The following FBXW9 variants were observed in gnomAD, a reference collection of about 807,000 sequenced individuals.
The protein encoded by FBXW9 is F-box/WD repeat-containing protein 9.
FBXW9 carries 38 observed loss-of-function variants against 55.8 expected under a neutral mutation model. The ratio of observed to expected loss-of-function variants is 0.68; its 90% CI spans 0.53 to 0.89. FBXW9 has a LOEUF of 0.89. Among genes scored for constraint, FBXW9 ranks in the 40% least tolerant of loss-of-function variants. The probability of loss-of-function intolerance (pLI) is 0.00; values close to 1 mark genes in which losing one functional copy is unlikely to be tolerated. For missense variants in FBXW9, 590 were observed against 619.4 expected (o/e 0.95, Z 0.50); for synonymous variants, 289 against 278.2 (o/e 1.04, Z -0.38).
chr19:12,693,338 C>T (rs1370824050), intron 3 of FBXW9, among the ~76,000 whole-genome samples: 1 of 150,808 alleles, frequency 6.6e-6, no homozygotes, highest in Admixed American at 6.6e-5. Flanking sequence ...GTGTACCTGA[C>T]GTCTATTGAG....
In FBXW9 at chr19:12,691,199, AG is replaced by A; in HGVS notation, c.849del (p.Tyr284MetfsTer5). On this transcript the variant is annotated frameshift_variant, in exon 5 of 10. Coordinates refer to ENST00000393261, the MANE Select transcript of FBXW9 (RefSeq NM_032301.3). LOFTEE classifies it high-confidence loss of function. ...SYLPDILVTG[T>X]YDKKVTIYDP... is the part of the protein sequence containing the mutation. Reference sequence around the variant, plus strand: ...TCGTAGATGGTCACCTTCTTGTCATAGGTGCCAGTCACCAGGATGTCAGGCA... The same window carrying A: ...TCGTAGATGGTCACCTTCTTGTCATAGTGCCAGTCACCAGGATGTCAGGCA... 2 of 1,614,196 alleles carry A rather than the reference AG, an allele frequency of 1.2e-6. No individual in the cohort carries two copies. Among genetic ancestry groups the A allele is most frequent in the Non-Finnish European group, 1.7e-6 (2 of 1,180,022 alleles).
At position 12,694,873 on chromosome 19, in the gene FBXW9, CCT is replaced by C; in HGVS notation, c.473_474del (p.Glu158GlyfsTer19). On this transcript the variant is annotated frameshift_variant, in exon 2 of 10. Transcript: ENST00000393261. LOFTEE classifies it high-confidence loss of function. The stretch of plus-strand genomic sequence containing the variant: ...CAGAAGTATTCGACCCAGCGCCCAT[CCT>C]CTGCCCAGCGGGACAGGTGCTGCTC... ...ALEQHLSRWA[E>X]DGRWVEYFCL... 6.2e-7 allele frequency: 1 copy of C among 1,614,132 alleles called. No individual in the cohort carries two copies. Among genetic ancestry groups the C allele is most frequent in the Non-Finnish European group, 8.5e-7 (1 of 1,180,040 alleles).
At position 12,694,920 on chromosome 19, in the gene FBXW9, G is replaced by T. The variant is rs754626651; in HGVS notation, c.428C>A (p.Pro143Gln). The change falls in exon 2 of 10, where the codon CCG (proline) becomes CAG (glutamine). Residue 143 changes from proline to glutamine, a missense_variant. Coordinates refer to ENST00000393261, the MANE Select transcript of FBXW9 (RefSeq NM_032301.3). ...PVVEEKNFDW[P>Q]AACIALEQHL... ...CTGCTCCAGCGCAATGCAGGCTGCCGGCCAGTCAAAGTTCTTCTCTGTGGG... is the reference window on the plus strand; with the variant it reads ...CTGCTCCAGCGCAATGCAGGCTGCCTGCCAGTCAAAGTTCTTCTCTGTGGG... 1 of 1,613,642 alleles carries T rather than the reference G, an allele frequency of 6.2e-7. No individual in the cohort carries two copies.
chr19:12,692,385 G>A (rs191922389), intron 3 of FBXW9, among the ~76,000 whole-genome samples: 8 of 150,092 alleles, frequency 5.3e-5, no homozygotes, highest in South Asian at 2.1e-4. Flanking sequence ...GTGCCACCGC[G>A]CCAGCTAATT....
rs375947492 is a variant in FBXW9, at chr19:12,694,944, G to A, written c.410-6C>T. 1.1e-4 allele frequency: 176 copies of A among 1,611,686 alleles called. No homozygotes were observed. The Middle Eastern group carries it at 1.3e-3, about 12-fold the overall frequency. ...CGGCCAGTCAAAGTTCTTCTCTGTG[G>A]GTTACCACGAGTAGGGTGCCCAGTG... is the stretch of plus-strand genomic sequence containing the variant. On this transcript the variant is annotated splice_region_variant and splice_polypyrimidine_tract_variant and intron_variant, in intron 1 of 9. Transcript: ENST00000393261.
intron 5 of FBXW9, among the ~76,000 whole-genome samples, 190 bp downstream of exon 5, chr19:12,690,976 G>A (rs142601928): frequency 2.6e-5 from 4 of 152,236 alleles, no homozygotes; most frequent in Non-Finnish European, 4.4e-5. Flanking sequence ...ACTCTAACCC[G>A]CCCCCAGGGC....
Position 12,689,276 on chromosome 19 carries a change from G to C in FBXW9, c.1317C>G (p.Gly439=), listed in dbSNP as rs2024967677. The C allele has an allele frequency of 6.2e-7, 1 of 1,614,232 alleles. No homozygotes were observed. Among genetic ancestry groups the C allele is most frequent in the African/African-American group, 1.3e-5 (1 of 75,068 alleles). Reference sequence around the variant, plus strand: ...CTCCAGAGCCGGCCACCACCAGGTTGCCCTCAGCACAGACCTGGGAAGGGG... The same window carrying C: ...CTCCAGAGCCGGCCACCACCAGGTTCCCCTCAGCACAGACCTGGGAAGGGG... ...DNGLNRVCAE[G]NLVVAGSGDL... The change falls in exon 10 of 10, where the codon GGC becomes GGG. Residue 439 remains glycine (G), a synonymous_variant. Transcript: ENST00000393261. This position sits in a 1 kb window ranked among gnomAD's most constrained non-coding sequence, Gnocchi z 5.9.
Position 12,692,226 on chromosome 19 carries a change from AT to A in FBXW9, c.679-773del, listed in dbSNP as rs145110867. Among the ~76,000 whole-genome samples the A allele has an allele frequency of 2.8e-3, 373 of 135,272 alleles. 2 individuals are homozygous for A. The highest frequency in any genetic ancestry group is 0.012 in the Middle Eastern group (3 of 250). 88.7% of individuals were successfully genotyped at this position (135,272 alleles called of 152,430 possible). On this transcript the variant is annotated intron_variant, in intron 3 of 9. Coordinates refer to ENST00000393261, the MANE Select transcript of FBXW9 (RefSeq NM_032301.3). ...AGGTGCATGCCACTACACTCTGCTA[AT>A]TTTTTTTTTTTTTTTTTGAGATGGA...
In FBXW9 at chr19:12,694,831, C is replaced by T. The variant is rs200418422; in HGVS notation, c.517G>A (p.Val173Met). ...AGCAGCACTGAGTCAACGGAAGCCA[C>T]GTGGCCTTCGGCCAGGCAGAAGTAT... ...VEYFCLAEGH[V>M]ASVDSVLLLQ... The change falls in exon 2 of 10, where the codon GTG becomes ATG. Residue 173 changes from valine to methionine, a missense_variant. Val to Met is a conservative substitution (Grantham distance 21). Coordinates refer to ENST00000393261, the MANE Select transcript of FBXW9 (RefSeq NM_032301.3). The T allele has an allele frequency of 1.8e-5, 29 of 1,613,986 alleles. No homozygotes were observed. Among genetic ancestry groups the T allele is most frequent in the African/African-American group, 2.7e-5 (2 of 74,954 alleles).
In FBXW9 at chr19:12,696,078, T is replaced by G. The variant is rs886190781; in HGVS notation, c.409+95A>C. On this transcript the variant is annotated intron_variant, in intron 1 of 9. Coordinates refer to ENST00000393261, the MANE Select transcript of FBXW9 (RefSeq NM_032301.3). Reference sequence around the variant, plus strand: ...CAGCCACGAAGCCTGCACCAGAGGCTGCATCCGGAACACCCCATGTACCTC... The same window carrying G: ...CAGCCACGAAGCCTGCACCAGAGGCGGCATCCGGAACACCCCATGTACCTC... The G allele has an allele frequency of 3.2e-6, 4 of 1,231,426 alleles. No homozygotes were observed. The African/African-American group carries it at 6.3e-5, about 20-fold the overall frequency. 76.3% of individuals were successfully genotyped at this position (1,231,426 alleles called of 1,614,324 possible). A position where few individuals can be genotyped will look rare whatever the true frequency, so the allele number is the denominator to read the frequency against.
chr19:12,694,457 TCA>T, intron 3 of FBXW9, 135 bp downstream of exon 3: 1 of 896,486 alleles, frequency 1.1e-6, no homozygotes, highest in Non-Finnish European at 1.6e-6. Context: ...CACAGAGAAG[TCA>T]CACATCTCAC....
chr19:12,689,634 CAGG>C lies in FBXW9; in HGVS notation c.1147-7_1147-5del, dbSNP rs1400735830. On this transcript the variant is annotated splice_polypyrimidine_tract_variant and splice_region_variant and intron_variant, in intron 7 of 9. Coordinates refer to ENST00000393261, the MANE Select transcript of FBXW9 (RefSeq NM_032301.3). This position sits in a 1 kb window ranked among gnomAD's most constrained non-coding sequence, Gnocchi z 5.9. The stretch of plus-strand genomic sequence containing the variant: ...AGCTGTGGCCCACATCAAAGGACTG[CAGG>C]AGGAGGATCAGGCAACACTCAGTCG... 1.2e-6 allele frequency: 2 copies of C among 1,613,726 alleles called. No homozygotes were observed. The highest frequency in any genetic ancestry group is 3.3e-5 in the Admixed American group (2 of 59,998).
chr19:12,691,448 C>A lies in FBXW9; in HGVS notation c.685G>T (p.Val229Leu). The change falls in exon 4 of 10, where the codon GTG (valine) becomes TTG (leucine). Residue 229 changes from valine to leucine, a missense_variant. By Grantham distance (32) the Val-to-Leu change is conservative (BLOSUM62 1). Coordinates refer to ENST00000393261, the MANE Select transcript of FBXW9 (RefSeq NM_032301.3). ...TGGTCCTGCGCTGCCAGTGACCACA[C>A]CCAGCCCTGCAGGACAGGAGCAGCA... ...TKRNSTHEGW[V>L]WSLAAQDHRV... The A allele has an allele frequency of 6.4e-7, 1 of 1,572,168 alleles. No homozygotes were observed. The highest frequency in any genetic ancestry group is 8.6e-7 in the Non-Finnish European group (1 of 1,160,284).
intron 3 of FBXW9, among the ~76,000 whole-genome samples, chr19:12,693,741 AT>A (rs1427790103): frequency 6.7e-6 from 1 of 149,664 alleles, no homozygotes; most frequent in East Asian, 2.0e-4. Context: ...AAAAAAAAAA[AT>A]TAGCTGGGCA....
chr19:12,688,941 T>TTTC lies in FBXW9; in HGVS notation c.*272_*274dup, dbSNP rs1321800674. ...CCCAAGCACCAACATGTCAGGTTTA[T>TTTC]TTCTCCTTCGCTCTCAACTGAGAGC... is the stretch of plus-strand genomic sequence containing the variant. On this transcript the variant is annotated 3_prime_UTR_variant, in exon 10 of 10. Transcript: ENST00000393261. The TTTC allele has an allele frequency of 3.2e-6, 2 of 615,620 alleles. No individual in the cohort carries two copies. Among genetic ancestry groups the TTTC allele is most frequent in the South Asian group, 3.2e-5 (2 of 62,304 alleles). The allele number at this position is 615,620 out of a possible 1,614,324, so 38.1% of individuals were successfully genotyped here.
intron 3 of FBXW9, among the ~76,000 whole-genome samples, chr19:12,693,571 C>T (rs1363746094): frequency 2.5e-3 from 139 of 56,376 alleles, no homozygotes; most frequent in Non-Finnish European, 3.5e-3. Flanking sequence ...TACACACACA[C>T]ACACACACAC....
Position 12,696,166 on chromosome 19 carries a change from C to T in FBXW9, c.409+7G>A, listed in dbSNP as rs1395629191. ...GCCCCCGGTCCCCGGCCCCCGGCCC[C>T]GCGCACCTTCCACCACTGGGTAGGG... On this transcript the variant is annotated splice_region_variant and intron_variant, in intron 1 of 9. Coordinates refer to ENST00000393261, the MANE Select transcript of FBXW9 (RefSeq NM_032301.3). The T allele has an allele frequency of 6.6e-7, 1 of 1,517,830 alleles. No homozygotes were observed. The allele number at this position is 1,517,830 out of a possible 1,614,324, so 94.0% of individuals were successfully genotyped here.
chr19:12,690,110 G>A lies in FBXW9; in HGVS notation c.884C>T (p.Ala295Val), dbSNP rs2024986181. Residue 295 changes from alanine to valine, a missense_variant and splice_region_variant, in exon 6 of 10, where the codon GCC becomes GTC. By Grantham distance (64) the Ala-to-Val change is moderately conservative. Transcript: ENST00000393261. The stretch of plus-strand genomic sequence containing the variant: ...CTGGTGCTTCAACAGGGCTGGGCCG[G>A]CTTCATGGGTGATGGGCCGGTGAGG... Reference protein sequence around the residue: ...DKKVTIYDPRAGPALLKHQQL... With the variant: ...DKKVTIYDPRVGPALLKHQQL... 3 of 1,613,590 alleles carry A rather than the reference G, an allele frequency of 1.9e-6. No homozygotes were observed. In the Admixed American group the frequency reaches 5.0e-5, roughly 27 times the overall value.
chr19:12,694,572 C>G (rs777675439), intron 3 of FBXW9, 22 bp downstream of exon 3: 189 of 1,610,628 alleles, frequency 1.2e-4, no homozygotes, highest in Non-Finnish European at 1.6e-4. Flanking sequence ...CTCATACCTC[C>G]TATCCCCACC....
Sources: allele counts gnomAD v4.1 joint callset (sites outside exome capture counted in the v4.1 genomes callset), GRCh38; gene constraint gnomAD v4.1.1; non-coding constraint Gnocchi (gnomAD v3.1); transcripts MANE v1.5; gene names NCBI Gene and HGNC (gene_info 2026-07-23, HGNC 2026-07-21).